The following BECN1 variants were observed in gnomAD, a reference collection of about 807,000 sequenced individuals.
The protein encoded by BECN1 is beclin-1.
A neutral mutation model predicts 60.1 loss-of-function variants in BECN1; 15 were observed. The ratio of observed to expected loss-of-function variants is 0.25; its 90% CI spans 0.17 to 0.38. The LOEUF (loss-of-function observed/expected upper bound fraction) is 0.38. Ranked by LOEUF, BECN1 falls within the 10% of genes least tolerant of loss-of-function variation. The pLI, the probability that BECN1 is intolerant of heterozygous loss-of-function variation, is 1.00. For missense variants in BECN1, 424 were observed against 548.2 expected, an observed-to-expected ratio of 0.77 and a Z score of 2.26; for synonymous variants, 179 against 201.8, an observed-to-expected ratio of 0.89 and a Z score of 0.96.
Position 42,823,792 on chromosome 17 carries a change from G to A in BECN1, c.86C>T (p.Thr29Met). 1.2e-6 allele frequency: 2 copies of A among 1,614,070 alleles called. No individual in the cohort carries two copies. Among genetic ancestry groups the A allele is most frequent in the Non-Finnish European group, 1.7e-6 (2 of 1,179,992 alleles). Residue 29 changes from threonine to methionine, a missense_variant, in exon 2 of 12, where the codon ACG (threonine) becomes ATG (methionine). Physicochemically the swap from Thr to Met is moderately conservative, Grantham distance 81. Coordinates refer to ENST00000590099, the MANE Select transcript of BECN1 (RefSeq NM_001313998.2). ...QRCSQPLKLDTSFKILDRVTI... is the reference protein window; with the variant it reads ...QRCSQPLKLDMSFKILDRVTI... ...GACACGGTCCAGGATCTTGAAACTC[G>A]TGTCCAGTTTCAGGGGCTGGCTGCA...
chr17:42,823,771 C>T lies in BECN1; in HGVS notation c.107G>A (p.Arg36His), dbSNP rs748062728. 3 of 1,613,984 alleles carry T rather than the reference C, an allele frequency of 1.9e-6. No homozygotes were observed. The highest frequency in any genetic ancestry group is 2.5e-6 in the Non-Finnish European group (3 of 1,179,914). Residue 36 changes from arginine (R) to histidine (H), a missense_variant, in exon 2 of 12, where the codon CGT becomes CAT. Around this residue, in one of 3 missense-constraint regions of BECN1, gnomAD observed 96 missense variants for 125.6 expected, o/e 0.76. Transcript: ENST00000590099. ...ACCTGTGAGTTCCTGGATGGTGACA[C>T]GGTCCAGGATCTTGAAACTCGTGTC... is the stretch of plus-strand genomic sequence containing the variant. The part of the protein sequence containing the change: ...KLDTSFKILD[R>H]VTIQELTAPL...
At chr17:42,812,128 T>C (rs111276528) in intron 10 of BECN1, 3,470 of 204,358 alleles carry the variant, frequency 0.017, 123 homozygotes, top group African/African-American at 0.076. Flanking sequence ...CTCACGCCTG[T>C]AATCCCAGCA....
chr17:42,813,920 C>A (rs779366285), intron 10 of BECN1, 28 bp downstream of exon 10: 3 of 1,507,102 alleles, frequency 2.0e-6, no homozygotes, highest in East Asian at 2.3e-5. Context: ...ACTCTGTATT[C>A]CAGTGAAAAT....
At chr17:42,811,402 A>AG (rs1394766756) in intron 11 of BECN1, 1 of 383,576 alleles carries the variant, frequency 2.6e-6, no homozygotes, top group Non-Finnish European at 4.6e-6. Flanking sequence ...GAAACTGGAG[A>AG]GGAGGCTTGA....
intron 10 of BECN1, 118 bp from the exon 11 acceptor site, chr17:42,811,915 A>G (rs2055017705): frequency 8.0e-7 from 1 of 1,253,212 alleles, no homozygotes; most frequent in Non-Finnish European, 1.1e-6. Context: ...GGAAACTTGT[A>G]TTGTAGCTGG....
intron 3 of BECN1, among the ~76,000 whole-genome samples, chr17:42,819,915 G>A (rs1360177146): frequency 6.6e-6 from 1 of 152,120 alleles, no homozygotes; most frequent in South Asian, 2.1e-4. Context: ...AGGGGCAGAG[G>A]ACAGAATGCC....
chr17:42,816,412 G>A (rs1334583750), intron 7 of BECN1, among the ~76,000 whole-genome samples: 5 of 152,184 alleles, frequency 3.3e-5, no homozygotes, highest in African/African-American at 1.2e-4. Flanking sequence ...AGCACTTTGG[G>A]AGGCCAAGAC....
chr17:42,814,826 G>T, intron 8 of BECN1, 153 bp from the exon 9 acceptor site: 1 of 963,500 alleles, frequency 1.0e-6, no homozygotes, highest in Non-Finnish European at 1.5e-6. Context: ...CAAAACTTGA[G>T]TCATCATCTT....
intron 2 of BECN1, among the ~76,000 whole-genome samples, chr17:42,821,067 T>A (rs549178347): frequency 3.1e-4 from 47 of 152,218 alleles, no homozygotes; most frequent in African/African-American, 1.1e-3. Context: ...TTATTATTAT[T>A]ATTATTACTT....
At chr17:42,821,128 C>T (rs1785563323) in intron 2 of BECN1, among the ~76,000 whole-genome samples, 1 of 152,096 alleles carries the variant, frequency 6.6e-6, no homozygotes, top group Non-Finnish European at 1.5e-5. Flanking sequence ...GGCACGATCT[C>T]GGCTCACTGC....
At chr17:42,816,747 G>C (rs957977951) in intron 7 of BECN1, among the ~76,000 whole-genome samples, 32 of 151,566 alleles carry the variant, frequency 2.1e-4, no homozygotes, top group African/African-American at 7.5e-4. Flanking sequence ...GAGGTGGGCA[G>C]ATCACCTGAG....
chr17:42,811,286 C>A (rs1333359389), intron 11 of BECN1: 3 of 277,620 alleles, frequency 1.1e-5, no homozygotes, highest in South Asian at 1.4e-4. Flanking sequence ...ATAGAAGCAG[C>A]CTTACTCTAA....
chr17:42,823,724 C>T (rs2055323451), intron 2 of BECN1, 24 bp downstream of exon 2: 2 of 1,610,130 alleles, frequency 1.2e-6, no homozygotes, highest in South Asian at 1.1e-5. Context: ...TCTTGACCAC[C>T]CTCTTTCCAA....
Position 42,823,867 on chromosome 17 carries a change from G to T in BECN1, c.11C>A (p.Ser4Tyr). 1 of 1,613,878 alleles carries T rather than the reference G, an allele frequency of 6.2e-7. No homozygotes were observed. Among genetic ancestry groups the T allele is most frequent in the South Asian group, 1.1e-5 (1 of 91,046 alleles). ...CATGGTGCTGTTGTTGGACGTCTTA[G>T]ACCCTTCCATCCCTGAGGCCGTGGA... The part of the protein sequence containing the change: MEG[S>Y]KTSNNSTMQV... Residue 4 changes from serine to tyrosine, a missense_variant, in exon 2 of 12, where the codon TCT (serine) becomes TAT (tyrosine). Transcript: ENST00000590099.
chr17:42,823,615 G>C (rs1220570485), intron 2 of BECN1, 133 bp downstream of exon 2: 10 of 1,266,486 alleles, frequency 7.9e-6, no homozygotes, highest in African/African-American at 3.0e-5. Flanking sequence ...AAAACAGGGA[G>C]CCAGATGAAG....
chr17:42,811,924 G>T (rs1172866405), intron 10 of BECN1, 127 bp from the exon 11 acceptor site: 7 of 1,138,556 alleles, frequency 6.1e-6, no homozygotes, highest in Non-Finnish European at 7.4e-6. Context: ...TATTGTAGCT[G>T]GACTCTATCT....
intron 11 of BECN1, 57 bp from the exon 12 acceptor site, chr17:42,810,985 G>C (rs2054988869): frequency 1.3e-6 from 2 of 1,489,180 alleles, no homozygotes; most frequent in Non-Finnish European, 1.8e-6. Flanking sequence ...AAGTAAGTTC[G>C]GGGCAGGGAC....
rs959544626 is a variant in BECN1, at chr17:42,810,664, G to A, written c.*96C>T. ...TTTTCTTTTTTGGTATTGTAAACATGTACTGTTTAATATTACCCGAATTTA... is the reference window on the plus strand; with the variant it reads ...TTTTCTTTTTTGGTATTGTAAACATATACTGTTTAATATTACCCGAATTTA... On this transcript the variant is annotated 3_prime_UTR_variant, in exon 12 of 12. Coordinates refer to ENST00000590099, the MANE Select transcript of BECN1 (RefSeq NM_001313998.2). The A allele has an allele frequency of 7.6e-7, 1 of 1,308,330 alleles. No individual in the cohort carries two copies. Among genetic ancestry groups the A allele is most frequent in the Non-Finnish European group, 1.0e-6 (1 of 960,780 alleles). 81.0% of individuals were successfully genotyped at this position (1,308,330 alleles called of 1,614,324 possible). A position where few individuals can be genotyped will look rare whatever the true frequency, so the allele number is the denominator to read the frequency against.
chr17:42,817,807 C>T (rs2144183010), intron 7 of BECN1, among the ~76,000 whole-genome samples: 1 of 152,152 alleles, frequency 6.6e-6, no homozygotes, highest in East Asian at 1.9e-4. Flanking sequence ...CCTTGGCCTC[C>T]CAAAGTGCTG....
Sources: allele counts gnomAD v4.1 joint callset (sites outside exome capture counted in the v4.1 genomes callset), GRCh38; gene constraint gnomAD v4.1.1; regional missense constraint gnomAD v4.1.1; transcripts MANE v1.5; gene names NCBI Gene and HGNC (gene_info 2026-07-23, HGNC 2026-07-21).